Variants in SGCZ observed in about 807,000 individuals in gnomAD.
SGCZ encodes the protein sarcoglycan zeta.
A neutral mutation model predicts 41.3 loss-of-function variants in SGCZ; 40 were observed. That is an observed-to-expected ratio of 0.97 (90% confidence interval 0.75 to 1.26). SGCZ has a LOEUF of 1.26. Ranked by LOEUF, SGCZ falls within the 50% of genes most tolerant of loss-of-function variation. The probability of loss-of-function intolerance (pLI) is 0.00; values close to 1 mark genes in which losing one functional copy is unlikely to be tolerated. For synonymous variants in SGCZ, 206 were observed against 137.5 expected, an observed-to-expected ratio of 1.50 and a Z score of -3.49; for missense variants, 552 against 369.8, an observed-to-expected ratio of 1.49 and a Z score of -4.04.
At position 14,649,987 on chromosome 8, in the gene SGCZ, A is replaced by G. The variant is rs1302792146; in HGVS notation, c.40-95061T>C. Among the ~76,000 whole-genome samples the G allele has an allele frequency of 3.3e-5, 5 of 152,202 alleles. No homozygotes were observed. In the East Asian group the frequency reaches 5.8e-4, roughly 18 times the overall value. ...GAAGGGTGATCTGTCAGAGATCAGA[A>G]GGAGTGACATCCTTGCCAGGAAACT... On this transcript the variant is annotated intron_variant, in intron 1 of 7. Transcript: ENST00000382080.
intron 1 of SGCZ, among the ~76,000 whole-genome samples, chr8:14,594,613 G>C (rs891306619): frequency 6.6e-6 from 1 of 151,362 alleles, no homozygotes; most frequent in Non-Finnish European, 1.5e-5. Context: ...TGATACTCTG[G>C]ATAGTTTTCT....
rs150849544 is a variant in SGCZ at position 14,683,365 on chromosome 8, A to C, written c.40-128439T>G. Among the ~76,000 whole-genome samples, 574 of 152,324 alleles carry C rather than the reference A, an allele frequency of 3.8e-3. 8 individuals are homozygous for C. The highest frequency in any genetic ancestry group is 0.017 in the Middle Eastern group (5 of 294). ...GTATAAATTTAGAAATTTCAGAACTACAAAAACATTCAGAAGCAATATATA... is the reference window on the plus strand; with the variant it reads ...GTATAAATTTAGAAATTTCAGAACTCCAAAAACATTCAGAAGCAATATATA... On this transcript the variant is annotated intron_variant, in intron 1 of 7. Transcript: ENST00000382080.
chr8:14,574,438 G>A (rs542972656), intron 1 of SGCZ, among the ~76,000 whole-genome samples: 1 of 152,146 alleles, frequency 6.6e-6, no homozygotes, highest in South Asian at 2.1e-4. Context: ...GTGTAAGCTG[G>A]CCATAAATAA....
intron 2 of SGCZ, among the ~76,000 whole-genome samples, chr8:14,373,374 A>G (rs1233376706): frequency 6.6e-6 from 1 of 152,236 alleles, no homozygotes; most frequent in Non-Finnish European, 1.5e-5. Flanking sequence ...ATATAATTCT[A>G]AAATTCAAAA....
chr8:15,073,161 A>G (rs1805416187), intron 1 of SGCZ, among the ~76,000 whole-genome samples: 1 of 152,086 alleles, frequency 6.6e-6, no homozygotes, highest in South Asian at 2.1e-4. Context: ...GGAGGAAGGG[A>G]GCTGCAATCA....
At chr8:14,165,514 A>C (rs1028391170) in intron 4 of SGCZ, among the ~76,000 whole-genome samples, 3 of 152,124 alleles carry the variant, frequency 2.0e-5, no homozygotes, top group Non-Finnish European at 4.4e-5. Context: ...GAAATTTGAG[A>C]TAATGGCCAG....
chr8:14,313,994 A>C (rs1801631886), intron 3 of SGCZ, among the ~76,000 whole-genome samples: 1 of 150,914 alleles, frequency 6.6e-6, no homozygotes, highest in Admixed American at 6.6e-5. Flanking sequence ...GTAATTCTTA[A>C]AGCATTTGTT....
chr8:14,227,220 G>T (rs1806403166), intron 4 of SGCZ, among the ~76,000 whole-genome samples: 2 of 152,070 alleles, frequency 1.3e-5, no homozygotes, highest in Middle Eastern at 3.2e-3. Context: ...AATCTTTGTA[G>T]AAAAATGAAG....
chr8:14,330,049 A>G (rs1036636976), intron 2 of SGCZ, among the ~76,000 whole-genome samples: 1 of 152,120 alleles, frequency 6.6e-6, no homozygotes, highest in African/African-American at 2.4e-5. Context: ...TTACCTGTCC[A>G]AAGAAGGCCA....
At chr8:14,505,871 G>C (rs1308018685) in intron 2 of SGCZ, among the ~76,000 whole-genome samples, 1 of 152,086 alleles carries the variant, frequency 6.6e-6, no homozygotes, top group East Asian at 1.9e-4. Context: ...CACAGGACTC[G>C]GCAATCTGTG....
rs1805800397 is a variant in SGCZ, at chr8:14,607,800, C to T, written c.40-52874G>A. Among the ~76,000 whole-genome samples, 5 of 148,960 alleles carry T rather than the reference C, an allele frequency of 3.4e-5. No homozygotes were observed. The South Asian group carries it at 1.1e-3, about 32-fold the overall frequency. On this transcript the variant is annotated intron_variant, in intron 1 of 7. Transcript: ENST00000382080. The stretch of plus-strand genomic sequence containing the variant: ...TTATGTTAACACTGACAGATGGAAG[C>T]ACATATATGATCTACACCTATGTGC...
At chr8:14,114,455 C>T (rs1236820510) in intron 5 of SGCZ, among the ~76,000 whole-genome samples, 1 of 151,816 alleles carries the variant, frequency 6.6e-6, no homozygotes, top group African/African-American at 2.4e-5. Context: ...CCATATTGTT[C>T]ATTTAGGACT....
chr8:15,209,153 A>G (rs1189635057), intron 1 of SGCZ, among the ~76,000 whole-genome samples: 1 of 152,078 alleles, frequency 6.6e-6, no homozygotes, highest in Non-Finnish European at 1.5e-5. Context: ...AATGACTTCT[A>G]AAGCACCTTT....
chr8:14,741,234 T>C (rs554422461), intron 1 of SGCZ, among the ~76,000 whole-genome samples: 1 of 152,136 alleles, frequency 6.6e-6, no homozygotes, highest in South Asian at 2.1e-4. Context: ...CTCCCATTAA[T>C]TCACCCTGTA....
At chr8:14,724,493 A>T (rs1226399562) in intron 1 of SGCZ, among the ~76,000 whole-genome samples, 2 of 151,848 alleles carry the variant, frequency 1.3e-5, no homozygotes, top group Non-Finnish European at 2.9e-5. Context: ...AATGAAGCAT[A>T]AAATAGACAT....
At chr8:15,177,599 T>C (rs1316834630) in intron 1 of SGCZ, among the ~76,000 whole-genome samples, 1 of 152,146 alleles carries the variant, frequency 6.6e-6, no homozygotes, top group Non-Finnish European at 1.5e-5. Flanking sequence ...GACTGATTCA[T>C]TGATAAAAAG....
At chr8:15,150,204 A>C (rs1020258770) in intron 1 of SGCZ, among the ~76,000 whole-genome samples, 1 of 152,028 alleles carries the variant, frequency 6.6e-6, no homozygotes, top group Non-Finnish European at 1.5e-5. Context: ...TACTTTATAA[A>C]ACAGTGCGAA....
At chr8:14,256,921 G>A (rs113364088) in intron 3 of SGCZ, among the ~76,000 whole-genome samples, 13 of 152,102 alleles carry the variant, frequency 8.5e-5, no homozygotes, top group African/African-American at 2.4e-4. Flanking sequence ...AGAACACTGA[G>A]TTAGACGTAT....
At chr8:14,099,973 T>C (rs541884467) in intron 7 of SGCZ, among the ~76,000 whole-genome samples, 3 of 152,140 alleles carry the variant, frequency 2.0e-5, no homozygotes, top group East Asian at 1.9e-4. Context: ...TCATTTTAGA[T>C]ACCTCAATAC....
Sources: gnomAD v4.1 joint callset for allele counts (sites outside exome capture counted in the v4.1 genomes callset) on GRCh38, gnomAD v4.1.1 for gene constraint, MANE v1.5 for transcripts, NCBI Gene and HGNC (gene_info 2026-07-23, HGNC 2026-07-21) for gene names.